The following EPHA6 variants were observed in gnomAD, a reference collection of about 807,000 sequenced individuals.
EPHA6 encodes the protein ephrin type-A receptor 6.
In EPHA6, 50 loss-of-function variants were observed where a neutral mutation model predicts 112.0. The ratio of observed to expected loss-of-function variants is 0.45; its 90% CI spans 0.36 to 0.56. The LOEUF (loss-of-function observed/expected upper bound fraction) is 0.56, where lower values mean the gene tolerates loss of function less well. Ranked by LOEUF, EPHA6 falls within the 20% of genes least tolerant of loss-of-function variation. EPHA6 has a pLI of 0.00. For missense variants in EPHA6, 1,280 were observed against 1,417.4 expected (o/e 0.90, Z 1.56); for synonymous variants, 529 against 490.7 (o/e 1.08, Z -1.03).
At chr3:97,740,883 CT>C (rs879437501) in intron 16 of EPHA6, among the ~76,000 whole-genome samples, 123 of 148,082 alleles carry the variant, frequency 8.3e-4, no homozygotes, top group South Asian at 5.5e-3. Flanking sequence ...TCATAGACAA[CT>C]TTTTTTTTTT....
chr3:97,331,622 C>T (rs530691043), intron 5 of EPHA6, among the ~76,000 whole-genome samples: 8 of 152,206 alleles, frequency 5.3e-5, no homozygotes, highest in East Asian at 1.9e-4. Context: ...AACACCTCTA[C>T]GCAAATAAAC....
chr3:97,197,822 G>A (rs1397627942), intron 3 of EPHA6, among the ~76,000 whole-genome samples: 1 of 152,030 alleles, frequency 6.6e-6, no homozygotes, highest in African/African-American at 2.4e-5. Context: ...AGCCCATGGT[G>A]GTGGGGCTAC....
At chr3:97,203,641 A>G (rs566975821) in intron 3 of EPHA6, among the ~76,000 whole-genome samples, 3 of 152,206 alleles carry the variant, frequency 2.0e-5, no homozygotes, top group African/African-American at 7.2e-5. Flanking sequence ...TGTGGAGGGA[A>G]AAAACAAAAA....
intron 11 of EPHA6, among the ~76,000 whole-genome samples, chr3:97,537,837 C>T (rs2092785518): frequency 6.6e-6 from 1 of 152,144 alleles, no homozygotes; most frequent in Non-Finnish European, 1.5e-5. Context: ...CCTCGGCCTC[C>T]CAAAGTGCTG....
At chr3:96,867,864 TA>T (rs556783139) in intron 2 of EPHA6, among the ~76,000 whole-genome samples, 97 of 152,082 alleles carry the variant, frequency 6.4e-4, no homozygotes, top group African/African-American at 2.2e-3. Flanking sequence ...TATTTTCAAC[TA>T]AAATATCCTA....
intron 2 of EPHA6, among the ~76,000 whole-genome samples, chr3:96,904,667 C>T (rs143755320): frequency 0.011 from 1,594 of 151,116 alleles, 13 homozygotes; most frequent in Non-Finnish European, 0.017. Context: ...ATTGAAAATT[C>T]TCAGGGAGAC....
intron 5 of EPHA6, among the ~76,000 whole-genome samples, chr3:97,262,876 C>T (rs1304716858): frequency 6.6e-6 from 1 of 152,074 alleles, no homozygotes; most frequent in African/African-American, 2.4e-5. Flanking sequence ...ATTCTAGGCA[C>T]CCAGTACCAA....
intron 3 of EPHA6, among the ~76,000 whole-genome samples, chr3:97,096,551 T>C (rs1044460760): frequency 6.6e-6 from 1 of 152,032 alleles, no homozygotes; most frequent in South Asian, 2.1e-4. Context: ...CCACTGAATG[T>C]ACTCAAAAGA....
chr3:97,634,908 C>T (rs928269931), intron 13 of EPHA6, among the ~76,000 whole-genome samples: 4 of 151,524 alleles, frequency 2.6e-5, no homozygotes, highest in African/African-American at 9.7e-5. Flanking sequence ...AGATTTACTG[C>T]TTCACCAAGG....
intron 3 of EPHA6, among the ~76,000 whole-genome samples, chr3:97,144,268 C>T (rs2075983960): frequency 6.6e-6 from 1 of 151,582 alleles, no homozygotes; most frequent in Non-Finnish European, 1.5e-5. Flanking sequence ...GTTTGAGTAT[C>T]TTTTCCTTTT....
rs56105715 is a variant in EPHA6, at chr3:97,592,615, C to G, written c.2390C>G (p.Ser797Cys). The change falls in exon 12 of 18, where the codon TCC (serine) becomes TGC (cysteine). Residue 797 changes from serine (S) to cysteine (C), a missense_variant. Transcript: ENST00000389672. ...GTCAATTTTTATCTCTTAAAAGGAT[C>G]CTTCCCGGCCATTGGGGTGGAGGCG... Reference protein sequence around the residue: ...IRLEGVVTKRSFPAIGVEAFC... With the variant: ...IRLEGVVTKRCFPAIGVEAFC... 1 of 1,612,982 alleles carries G rather than the reference C, an allele frequency of 6.2e-7. No homozygotes were observed. Among genetic ancestry groups the G allele is most frequent in the Admixed American group, 1.7e-5 (1 of 59,918 alleles).
intron 16 of EPHA6, among the ~76,000 whole-genome samples, chr3:97,744,157 C>G (rs1225690342): frequency 1.3e-5 from 2 of 151,938 alleles, no homozygotes; most frequent in Non-Finnish European, 2.9e-5. Context: ...ATTCTAGCCC[C>G]ATTCTCATTT....
At chr3:97,234,034 A>G (rs1369814339) in intron 4 of EPHA6, among the ~76,000 whole-genome samples, 1 of 152,146 alleles carries the variant, frequency 6.6e-6, no homozygotes, top group Non-Finnish European at 1.5e-5. Context: ...ATGAGATTTT[A>G]CCATTAAGAG....
intron 6 of EPHA6, chr3:97,439,660 T>C: frequency 1.0e-6 from 1 of 997,338 alleles, no homozygotes. Context: ...AAGCTAAGGT[T>C]GTTCAACTTC....
At chr3:97,247,923 C>T (rs2079030404) in intron 5 of EPHA6, among the ~76,000 whole-genome samples, 1 of 151,894 alleles carries the variant, frequency 6.6e-6, no homozygotes, top group Non-Finnish European at 1.5e-5. Flanking sequence ...TCTATGTATG[C>T]ACATTGTGGA....
intron 14 of EPHA6, among the ~76,000 whole-genome samples, chr3:97,689,000 C>G (rs923227307): frequency 6.6e-6 from 1 of 152,104 alleles, no homozygotes; most frequent in South Asian, 2.1e-4. Flanking sequence ...TATAGTTTTA[C>G]CTTTCTTCAA....
intron 2 of EPHA6, among the ~76,000 whole-genome samples, chr3:96,963,614 G>A (rs1271814117): frequency 1.3e-5 from 2 of 152,096 alleles, no homozygotes; most frequent in Non-Finnish European, 1.5e-5. Context: ...TACAGTGGAG[G>A]CAACTTGAGT....
chr3:97,560,094 AAAG>A (rs1378244242), intron 11 of EPHA6, among the ~76,000 whole-genome samples: 1 of 151,910 alleles, frequency 6.6e-6, no homozygotes, highest in African/African-American at 2.4e-5. Context: ...AATAAAAACC[AAAG>A]AAGAACTGTT....
intron 3 of EPHA6, among the ~76,000 whole-genome samples, chr3:97,086,727 A>G (rs1341142867): frequency 1.3e-5 from 2 of 152,136 alleles, no homozygotes; most frequent in African/African-American, 4.8e-5. Flanking sequence ...CATAACATTT[A>G]TTGAATAAAT....
Sources: allele counts gnomAD v4.1 joint callset (sites outside exome capture counted in the v4.1 genomes callset), GRCh38; gene constraint gnomAD v4.1.1; transcripts MANE v1.5; gene names NCBI Gene and HGNC (gene_info 2026-07-23, HGNC 2026-07-21).